HTT: variants seen among roughly 807,000 people sequenced by gnomAD.
The protein encoded by HTT is huntingtin.
HTT carries 104 observed loss-of-function variants against 362.3 expected under a neutral mutation model. The observed-to-expected ratio is 0.29, with a 90% confidence interval of 0.24 to 0.34. HTT has a LOEUF of 0.34. Among genes scored for constraint, HTT ranks in the 10% least tolerant of loss-of-function variants. The probability of loss-of-function intolerance (pLI) is 1.00; values close to 1 mark genes in which losing one functional copy is unlikely to be tolerated. For synonymous variants in HTT, 1,577 were observed against 1,548.7 expected (o/e 1.02, Z -0.43); for missense variants, 3,301 against 3,928.6 (o/e 0.84, Z 4.27).
intron 64 of HTT, among the ~76,000 whole-genome samples, chr4:3,237,626 G>A (rs901343905): frequency 5.3e-5 from 8 of 152,210 alleles, no homozygotes; most frequent in African/African-American, 1.9e-4. Flanking sequence ...TCTCTGTGGA[G>A]CAGTGTCTTC....
At chr4:3,088,031 G>A (rs1713303328) in intron 2 of HTT, among the ~76,000 whole-genome samples, 1 of 146,364 alleles carries the variant, frequency 6.8e-6, no homozygotes, top group Admixed American at 6.7e-5. Flanking sequence ...TGTATTTTTA[G>A]TAGAGATGTT....
At chr4:3,191,924 G>GT (rs1719029440) in intron 40 of HTT, among the ~76,000 whole-genome samples, 1 of 152,196 alleles carries the variant, frequency 6.6e-6, no homozygotes, top group Admixed American at 6.5e-5. Context: ...TTAAACTAGA[G>GT]TAAGAGAAAG....
chr4:3,199,766 G>C lies in HTT; in HGVS notation c.5403G>C (p.Arg1801Ser), dbSNP rs368226123. ...MFRRITAAAT[R>S]LFRSDGCGGS... ...GGAGAATCACAGCAGCTGCCACTAG[G>C]CTGTTCCGCAGTGATGGCTGTGGCG... The change falls in exon 41 of 67, where the codon AGG (arginine) becomes AGC (serine). Residue 1801 changes from arginine to serine, a missense_variant. Transcript: ENST00000355072. 3 of 1,614,138 alleles carry C rather than the reference G, an allele frequency of 1.9e-6. No homozygotes were observed. The highest frequency in any genetic ancestry group is 1.7e-6 in the Non-Finnish European group (2 of 1,180,018).
intron 40 of HTT, among the ~76,000 whole-genome samples, chr4:3,189,355 C>G (rs1718913689): frequency 1.3e-5 from 2 of 152,172 alleles, no homozygotes; most frequent in Non-Finnish European, 1.5e-5. Flanking sequence ...TTCACGATAG[C>G]TAAAATGTGG....
At position 3,131,342 on chromosome 4, in the gene HTT, T is replaced by C. The variant is rs1421789192; in HGVS notation, c.2043T>C (p.Leu681=). ...CCACTGATGATGACTCTGCACCTCT[T>C]GTCCATTGTGTCCGCCTTTTATCTG... is the stretch of plus-strand genomic sequence containing the variant. ...GQSTDDDSAP[L]VHCVRLLSAS... The change falls in exon 15 of 67, where the codon CTT becomes CTC. Residue 681 remains leucine (L), a synonymous_variant. Transcript: ENST00000355072. 2 of 1,614,152 alleles carry C rather than the reference T, an allele frequency of 1.2e-6. No homozygotes were observed. Among genetic ancestry groups the C allele is most frequent in the East Asian group, 4.5e-5 (2 of 44,878 alleles).
intron 29 of HTT, among the ~76,000 whole-genome samples, chr4:3,161,680 G>A (rs981589637): frequency 6.6e-6 from 1 of 152,200 alleles, no homozygotes; most frequent in East Asian, 1.9e-4. Context: ...CAGTGGTGAT[G>A]AGCATTTTTT....
intron 18 of HTT, among the ~76,000 whole-genome samples, chr4:3,133,282 A>C (rs1715906539): frequency 6.6e-6 from 1 of 151,650 alleles, no homozygotes; most frequent in Non-Finnish European, 1.5e-5. Flanking sequence ...CCAGGAGTTC[A>C]AGACTATGGG....
At chr4:3,148,764 C>T (rs1434739739) in intron 26 of HTT, among the ~76,000 whole-genome samples, 1 of 152,166 alleles carries the variant, frequency 6.6e-6, no homozygotes, top group Non-Finnish European at 1.5e-5. Context: ...TGCCACTGCA[C>T]TCCAGCCTGG....
At chr4:3,193,858 T>G (rs1483470596) in intron 40 of HTT, among the ~76,000 whole-genome samples, 1 of 152,168 alleles carries the variant, frequency 6.6e-6, no homozygotes, top group Non-Finnish European at 1.5e-5. Context: ...AGTGGAGGGC[T>G]TGGAGAGGGC....
chr4:3,227,161 A>G (rs1017614075), intron 57 of HTT, among the ~76,000 whole-genome samples: 1 of 152,210 alleles, frequency 6.6e-6, no homozygotes, highest in Non-Finnish European at 1.5e-5. Context: ...CGTTGTGTCC[A>G]GCGTCCGCAA....
chr4:3,236,696 CAGG>C, intron 64 of HTT, among the ~76,000 whole-genome samples: 1 of 152,306 alleles, frequency 6.6e-6, no homozygotes, highest in Non-Finnish European at 1.5e-5. Flanking sequence ...GGAGCAGCGG[CAGG>C]AGGATGAAGG....
rs374652085 is a variant in HTT at position 3,208,936 on chromosome 4, G to A, written c.6291+25G>A. 6.8e-5 allele frequency: 109 copies of A among 1,597,634 alleles called. No homozygotes were observed. In the African/African-American group the frequency reaches 1.3e-3, roughly 19 times the overall value. Reference sequence around the variant, plus strand: ...AGTAAGTGTCCAGCGTGTCTGCATGGGAGGCACAGGGCGCTGAGTGCCTCT... The same window carrying A: ...AGTAAGTGTCCAGCGTGTCTGCATGAGAGGCACAGGGCGCTGAGTGCCTCT... On this transcript the variant is annotated intron_variant, in intron 46 of 66. Transcript: ENST00000355072.
chr4:3,152,872 C>T (rs1044072515), intron 26 of HTT, among the ~76,000 whole-genome samples: 5 of 147,508 alleles, frequency 3.4e-5, no homozygotes, highest in South Asian at 2.1e-4. Flanking sequence ...AGGGTGGTCT[C>T]GATCTCCTGA....
intron 3 of HTT, 150 bp from the exon 4 acceptor site, chr4:3,103,674 T>A: frequency 1.7e-6 from 1 of 597,188 alleles, no homozygotes; most frequent in Admixed American, 2.8e-5. Flanking sequence ...CTGCATATAT[T>A]TGTTTCTTTC....
At chr4:3,102,089 T>C (rs1436587894) in intron 3 of HTT, among the ~76,000 whole-genome samples, 1 of 152,068 alleles carries the variant, frequency 6.6e-6, no homozygotes, top group Non-Finnish European at 1.5e-5. Flanking sequence ...GAGTGTATCA[T>C]TTAGGAAGAG....
chr4:3,221,639 C>G (rs1720678875), intron 53 of HTT, among the ~76,000 whole-genome samples: 1 of 152,174 alleles, frequency 6.6e-6, no homozygotes, highest in Admixed American at 6.5e-5. Context: ...TCCTAAGCAC[C>G]CCATCCCGTC....
At chr4:3,223,196 A>C (rs1720756506) in intron 54 of HTT, among the ~76,000 whole-genome samples, 1 of 152,254 alleles carries the variant, frequency 6.6e-6, no homozygotes, top group Admixed American at 6.5e-5. Flanking sequence ...CCTTGATTTG[A>C]AAAATGGGCT....
intron 51 of HTT, among the ~76,000 whole-genome samples, chr4:3,215,516 C>T (rs1389486766): frequency 6.6e-5 from 10 of 152,168 alleles, no homozygotes; most frequent in Admixed American, 2.0e-4. Flanking sequence ...ATTCTGAGAT[C>T]CTTGAGGGCA....
intron 45 of HTT, 41 bp downstream of exon 45, chr4:3,207,398 C>G: frequency 1.4e-6 from 2 of 1,468,316 alleles, no homozygotes; most frequent in Non-Finnish European, 1.9e-6. Flanking sequence ...TTAGGACAAC[C>G]CAGGATATAA....
Sources: gnomAD v4.1 joint callset for allele counts (sites outside exome capture counted in the v4.1 genomes callset) on GRCh38, gnomAD v4.1.1 for gene constraint, MANE v1.5 for transcripts, NCBI Gene and HGNC (gene_info 2026-07-23, HGNC 2026-07-21) for gene names.